PTPRK: variants seen among roughly 807,000 people sequenced by gnomAD.
PTPRK encodes protein tyrosine phosphatase receptor type K, also known as receptor-type tyrosine-protein phosphatase kappa.
A neutral mutation model predicts 178.0 loss-of-function variants in PTPRK; 75 were observed. The observed-to-expected ratio is 0.42, with a 90% confidence interval of 0.35 to 0.51. PTPRK has a LOEUF of 0.51. Ranked by LOEUF, PTPRK falls within the 20% of genes least tolerant of loss-of-function variation. The pLI is 0.02. For synonymous variants in PTPRK, 637 were observed against 620.6 expected (o/e 1.03, Z -0.39); for missense variants, 1,441 against 1,797.8 (o/e 0.80, Z 3.59).
At chr6:128,135,454 GC>G (rs1794890089) in intron 7 of PTPRK, among the ~76,000 whole-genome samples, 1 of 152,116 alleles carries the variant, frequency 6.6e-6, no homozygotes. Context: ...ACTTTATGCT[GC>G]CTGTACAACA....
chr6:128,043,682 C>T (rs1408841072), intron 13 of PTPRK, among the ~76,000 whole-genome samples: 1 of 151,698 alleles, frequency 6.6e-6, no homozygotes, highest in African/African-American at 2.4e-5. Flanking sequence ...ATTATAGAAA[C>T]TATTTAATGT....
intron 3 of PTPRK, among the ~76,000 whole-genome samples, chr6:128,245,911 C>G (rs545936897): frequency 6.6e-6 from 1 of 152,264 alleles, no homozygotes; most frequent in South Asian, 2.1e-4. Context: ...TTTACAAATT[C>G]TTGAGGATTC....
chr6:128,513,061 T>A (rs1346223682), intron 1 of PTPRK, among the ~76,000 whole-genome samples: 1 of 152,246 alleles, frequency 6.6e-6, no homozygotes, highest in Non-Finnish European at 1.5e-5. Context: ...AAAACTAGTC[T>A]TACTTTTAGT....
intron 7 of PTPRK, among the ~76,000 whole-genome samples, chr6:128,108,069 A>AACACACACACAC (rs67513455): frequency 5.3e-4 from 71 of 133,858 alleles, no homozygotes; most frequent in African/African-American, 1.5e-3. Context: ...TAAATAGCAA[A>AACACACACACAC]ACACACACAC....
intron 1 of PTPRK, among the ~76,000 whole-genome samples, chr6:128,436,650 T>G (rs1845640138): frequency 6.6e-6 from 1 of 152,198 alleles, no homozygotes; most frequent in Non-Finnish European, 1.5e-5. Context: ...ATTTTTTATT[T>G]TAGCCTCCCA....
At chr6:128,374,337 C>T (rs1171368920) in intron 2 of PTPRK, among the ~76,000 whole-genome samples, 1 of 152,116 alleles carries the variant, frequency 6.6e-6, no homozygotes, top group Non-Finnish European at 1.5e-5. Flanking sequence ...CAAAGACCAT[C>T]TATACAATAA....
At chr6:128,238,962 A>G (rs549881188) in intron 5 of PTPRK, among the ~76,000 whole-genome samples, 3 of 152,258 alleles carry the variant, frequency 2.0e-5, no homozygotes, top group African/African-American at 7.2e-5. Flanking sequence ...AACACCCAGC[A>G]TATCAGTCAT....
intron 25 of PTPRK, among the ~76,000 whole-genome samples, chr6:127,979,444 A>G (rs1474233660): frequency 1.3e-5 from 2 of 152,246 alleles, no homozygotes; most frequent in East Asian, 1.9e-4. Context: ...TAGATGCAGA[A>G]ATGAAAAAGT....
intron 1 of PTPRK, among the ~76,000 whole-genome samples, chr6:128,467,042 G>A (rs893240457): frequency 1.3e-5 from 2 of 152,150 alleles, no homozygotes; most frequent in African/African-American, 4.8e-5. Flanking sequence ...GTCTCACTCT[G>A]TCTTCCAGGC....
chr6:128,507,085 T>G (rs2128440810), intron 1 of PTPRK, among the ~76,000 whole-genome samples: 1 of 152,182 alleles, frequency 6.6e-6, no homozygotes, highest in South Asian at 2.1e-4. Flanking sequence ...GATCATGTAG[T>G]AAAAACATGT....
intron 11 of PTPRK, among the ~76,000 whole-genome samples, chr6:128,073,562 C>A (rs1488720496): frequency 4.6e-5 from 7 of 151,944 alleles, no homozygotes; most frequent in African/African-American, 1.7e-4. Flanking sequence ...TAGCTCAAAG[C>A]AACAAACATT....
chr6:128,405,993 T>C (rs1344489070), intron 1 of PTPRK, among the ~76,000 whole-genome samples: 2 of 151,566 alleles, frequency 1.3e-5, no homozygotes, highest in African/African-American at 4.9e-5. Context: ...AAATGCATCT[T>C]GAAATCAAAA....
At chr6:128,023,831 C>A (rs970836847) in intron 13 of PTPRK, among the ~76,000 whole-genome samples, 1 of 145,902 alleles carries the variant, frequency 6.9e-6, no homozygotes, top group Non-Finnish European at 1.5e-5. Flanking sequence ...TGTTTTCTTT[C>A]TTTCTTTTTT....
chr6:128,113,490 A>T (rs890927727), intron 7 of PTPRK, among the ~76,000 whole-genome samples: 10 of 151,662 alleles, frequency 6.6e-5, no homozygotes, highest in African/African-American at 2.2e-4. Context: ...GAAAAAAATT[A>T]AAAAATACAA....
chr6:128,494,201 TAAAAAAAAAAAAAA>T (rs11301155), intron 1 of PTPRK, among the ~76,000 whole-genome samples: 2 of 112,944 alleles, frequency 1.8e-5, no homozygotes, highest in Non-Finnish European at 3.6e-5. Flanking sequence ...CCCTGTATCT[TAAAAAAAAAAAAAA>T]AAAAAAAAGT....
intron 13 of PTPRK, among the ~76,000 whole-genome samples, chr6:128,031,539 TTCATGTAAGAAC>T (rs1336355206): frequency 6.6e-6 from 1 of 152,206 alleles, no homozygotes; most frequent in Non-Finnish European, 1.5e-5. Context: ...TTCTCAGTGT[TTCATGTAAGAAC>T]AGACTATGGT....
At chr6:128,173,703 T>C (rs978307811) in intron 7 of PTPRK, among the ~76,000 whole-genome samples, 2 of 151,948 alleles carry the variant, frequency 1.3e-5, no homozygotes, top group African/African-American at 4.8e-5. Context: ...GTCACCAAGT[T>C]CTACTGATTC....
In PTPRK at chr6:128,115,940, T is replaced by C. The variant is rs533294601; in HGVS notation, c.1163-25948A>G. On this transcript the variant is annotated intron_variant, in intron 7 of 29. Coordinates refer to ENST00000368226, the MANE Select transcript of PTPRK (RefSeq NM_002844.4). ...TGCAAAATCAACACACAGAGCGGTA[T>C]ACATTCACAAGTAAACACCCTCTCC... Among the ~76,000 whole-genome samples the C allele has an allele frequency of 9.2e-5, 14 of 152,214 alleles. No homozygotes were observed. In the East Asian group the frequency reaches 2.7e-3, roughly 29 times the overall value.
Position 128,397,551 on chromosome 6 carries a change from C to G in PTPRK, c.223+15G>C. ...AACTATTCCCCCAACACTGACTAAA[C>G]AGAGTGACTCTCACCTTGGGGCATC... On this transcript the variant is annotated intron_variant, in intron 2 of 29. Coordinates refer to ENST00000368226, the MANE Select transcript of PTPRK (RefSeq NM_002844.4). The G allele has an allele frequency of 6.2e-7, 1 of 1,613,604 alleles. No individual in the cohort carries two copies.
Sources: allele counts gnomAD v4.1 joint callset (sites outside exome capture counted in the v4.1 genomes callset), GRCh38; gene constraint gnomAD v4.1.1; transcripts MANE v1.5; gene names NCBI Gene and HGNC (gene_info 2026-07-23, HGNC 2026-07-21).